Variants in PATL2 observed in about 807,000 individuals in gnomAD.
The protein encoded by PATL2 is protein PAT1 homolog 2.
PATL2 carries 73 observed loss-of-function variants against 77.0 expected under a neutral mutation model. The observed-to-expected ratio is 0.95, with a 90% CI of 0.78 to 1.15. The LOEUF is 1.15. Among genes scored for constraint, PATL2 ranks in the 50% most tolerant of loss-of-function variants. The probability of loss-of-function intolerance (pLI) is 0.00; values close to 1 mark genes in which losing one functional copy is unlikely to be tolerated. For missense variants in PATL2, 618 were observed against 655.4 expected (o/e 0.94, Z 0.62); for synonymous variants, 265 against 257.1 (o/e 1.03, Z -0.29).
chr15:44,700,431 AG>A (rs1309158393), intron 3 of PATL2, among the ~76,000 whole-genome samples: 1 of 151,966 alleles, frequency 6.6e-6, no homozygotes, highest in Admixed American at 6.6e-5. Flanking sequence ...CCTCCCTAGT[AG>A]CTGAGACTAC....
chr15:44,672,078 C>G lies in PATL2; in HGVS notation c.594G>C (p.Val198=). ...NLMTRKEKDW[V]IKVQMVQLQS... ...GCAGCTGCACCATCTGCACTTTTATCACCCAGTCCTTCTCTTTTCTGGTCA... is the reference window on the plus strand; with the variant it reads ...GCAGCTGCACCATCTGCACTTTTATGACCCAGTCCTTCTCTTTTCTGGTCA... Residue 198 remains valine, a synonymous_variant, in exon 9 of 18, where the codon GTG becomes GTC. Coordinates refer to ENST00000682850, the MANE Select transcript of PATL2 (RefSeq NM_001387263.1). 6.4e-7 allele frequency: 1 copy of G among 1,551,708 alleles called. No individual in the cohort carries two copies. Among genetic ancestry groups the G allele is most frequent in the Middle Eastern group, 1.7e-4 (1 of 5,992 alleles).
chr15:44,698,271 G>A (rs1443526883), intron 3 of PATL2, among the ~76,000 whole-genome samples: 1 of 151,674 alleles, frequency 6.6e-6, no homozygotes, highest in Non-Finnish European at 1.5e-5. Flanking sequence ...TACTATTTTA[G>A]TTATTTTTAC....
chr15:44,665,742 A>C lies in PATL2; in HGVS notation c.*211T>G, dbSNP rs1418365326. On this transcript the variant is annotated 3_prime_UTR_variant, in exon 18 of 18. Coordinates refer to ENST00000682850, the MANE Select transcript of PATL2 (RefSeq NM_001387263.1). ...GCAAGTTCCAACACATCATTCTATT[A>C]TCTCTTTAATTATACCTTATTATGC... 1 of 1,382,202 alleles carries C rather than the reference A, an allele frequency of 7.2e-7. No homozygotes were observed. The highest frequency in any genetic ancestry group is 9.6e-7 in the Non-Finnish European group (1 of 1,046,966). The allele number at this position is 1,382,202 out of a possible 1,614,324, so 85.6% of individuals were successfully genotyped here.
intron 3 of PATL2, among the ~76,000 whole-genome samples, chr15:44,681,473 G>A (rs938309820): frequency 1.3e-5 from 2 of 151,962 alleles, no homozygotes; most frequent in African/African-American, 4.8e-5. Context: ...GTACCTCTTG[G>A]GTCATTTTTC....
intron 15 of PATL2, among the ~76,000 whole-genome samples, chr15:44,667,495 G>A (rs968238551): frequency 1.3e-5 from 2 of 152,178 alleles, no homozygotes; most frequent in Non-Finnish European, 2.9e-5. Flanking sequence ...CCAGGAATCT[G>A]AGGCAGGTAG....
rs115622499 is a variant in PATL2, at chr15:44,696,190, A to G, written c.-76+13906T>C. ...AGATGAAGAGCGAAGTACTATACCT[A>G]CAAGGGAAAACATCCCTAAAGGAAG... On this transcript the variant is annotated intron_variant, in intron 3 of 17. Coordinates refer to ENST00000682850, the MANE Select transcript of PATL2 (RefSeq NM_001387263.1). Among the ~76,000 whole-genome samples, 458 of 152,352 alleles carry G rather than the reference A, an allele frequency of 3.0e-3. 1 individual carries two copies. The highest frequency in any genetic ancestry group is 0.01 in the African/African-American group (422 of 41,586).
intron 4 of PATL2, chr15:44,675,942 G>C (rs1338633283): frequency 6.3e-6 from 3 of 474,376 alleles, no homozygotes; most frequent in Admixed American, 3.8e-5. Context: ...AGTTACTTGG[G>C]AGGCCAAGGC....
chr15:44,669,584 G>C, intron 11 of PATL2, 21 bp from the exon 12 acceptor site: 2 of 1,549,398 alleles, frequency 1.3e-6, no homozygotes. Flanking sequence ...GGAGTCACCA[G>C]CTATCAGCTA....
chr15:44,675,758 G>T, intron 4 of PATL2, 67 bp from the exon 5 acceptor site: 1 of 1,359,930 alleles, frequency 7.4e-7, no homozygotes, highest in Non-Finnish European at 9.9e-7. Context: ...GTCTAGAGAG[G>T]CTGCTACTCA....
chr15:44,687,848 T>A (rs1053793339), intron 3 of PATL2, among the ~76,000 whole-genome samples: 1 of 152,108 alleles, frequency 6.6e-6, no homozygotes, highest in East Asian at 1.9e-4. Flanking sequence ...TTACAAGTCA[T>A]GTGAAGGACC....
rs1250249418 is a variant in PATL2 at position 44,673,370 on chromosome 15, TC to T, written c.310del (p.Asp104ThrfsTer38). ...ASLHFLWQTL[D>X]YLSPIPFWPT... The stretch of plus-strand genomic sequence containing the variant: ...CCAGAAAGGGATGGGCGACAGGTAG[TC>T]CAAGGTCTGAGAGAGGAATTAAGAG... On this transcript the variant is annotated frameshift_variant, in exon 7 of 18. Coordinates refer to ENST00000682850, the MANE Select transcript of PATL2 (RefSeq NM_001387263.1). LOFTEE classifies it high-confidence loss of function. 4 of 1,551,640 alleles carry T rather than the reference TC, an allele frequency of 2.6e-6. No individual in the cohort carries two copies. The highest frequency in any genetic ancestry group is 3.5e-6 in the Non-Finnish European group (4 of 1,146,950).
chr15:44,680,505 G>C (rs1035976375), intron 3 of PATL2, among the ~76,000 whole-genome samples: 1 of 152,056 alleles, frequency 6.6e-6, no homozygotes, highest in Non-Finnish European at 1.5e-5. Context: ...GCACTTCCAG[G>C]TGGGGGGCTC....
intron 6 of PATL2, 26 bp from the exon 7 acceptor site, chr15:44,673,403 G>A: frequency 6.4e-7 from 1 of 1,550,858 alleles, no homozygotes; most frequent in Non-Finnish European, 8.7e-7. Context: ...AGAGGTCTGG[G>A]AGAACGCCAT....
intron 3 of PATL2, among the ~76,000 whole-genome samples, chr15:44,679,351 C>A (rs1165829862): frequency 1.3e-5 from 2 of 152,186 alleles, no homozygotes; most frequent in East Asian, 1.9e-4. Flanking sequence ...CTGCCTCAGC[C>A]TCCTGAATAG....
chr15:44,668,598 C>T, intron 14 of PATL2, 116 bp from the exon 15 acceptor site: 1 of 1,280,640 alleles, frequency 7.8e-7, no homozygotes, highest in Non-Finnish European at 1.1e-6. Flanking sequence ...GGTGAGGTTA[C>T]TTACCAGGCT....
intron 3 of PATL2, among the ~76,000 whole-genome samples, chr15:44,689,794 G>A (rs1231520402): frequency 6.6e-6 from 1 of 152,016 alleles, no homozygotes; most frequent in Non-Finnish European, 1.5e-5. Context: ...AAACCACCAT[G>A]GCACATGTAT....
chr15:44,701,516 T>G (rs2086628653), intron 3 of PATL2, among the ~76,000 whole-genome samples: 1 of 151,534 alleles, frequency 6.6e-6, no homozygotes, highest in African/African-American at 2.4e-5. Flanking sequence ...GCTAACATGG[T>G]GAAACCCTAT....
intron 5 of PATL2, chr15:44,674,437 G>T (rs575293779): frequency 3.6e-6 from 2 of 553,474 alleles, no homozygotes; most frequent in South Asian, 2.4e-5. Flanking sequence ...CTAGTGCAGT[G>T]GTCCTCCCTT....
intron 6 of PATL2, 117 bp from the exon 7 acceptor site, chr15:44,673,494 T>C (rs2141199868): frequency 1.5e-6 from 2 of 1,322,078 alleles, no homozygotes; most frequent in African/African-American, 1.5e-5. Context: ...CACCCAACAT[T>C]GTGCCATCTT....
Sources: allele counts gnomAD v4.1 joint callset (sites outside exome capture counted in the v4.1 genomes callset), GRCh38; gene constraint gnomAD v4.1.1; transcripts MANE v1.5; gene names NCBI Gene and HGNC (gene_info 2026-07-23, HGNC 2026-07-21).